The following SRPK1 variants were observed in gnomAD, a reference collection of about 807,000 sequenced individuals.
SRPK1 encodes the protein SRSF protein kinase 1.
Under a neutral mutation model 89.5 loss-of-function variants are expected in SRPK1, and 52 were observed. The observed-to-expected ratio is 0.58, with a 90% CI of 0.46 to 0.73. The LOEUF is 0.73. SRPK1 is among the 30% of genes least tolerant of loss of function. SRPK1 has a pLI of 0.00. For synonymous variants in SRPK1, 255 were observed against 270.2 expected, an observed-to-expected ratio of 0.94 and a Z score of 0.55; for missense variants, 603 against 780.6, an observed-to-expected ratio of 0.77 and a Z score of 2.71.
chr6:35,881,476 T>C (rs1291338739), intron 6 of SRPK1, among the ~76,000 whole-genome samples: 2 of 137,602 alleles, frequency 1.5e-5, no homozygotes, highest in African/African-American at 5.4e-5. Flanking sequence ...TAGATATAGA[T>C]ATAGATCCAA....
intron 15 of SRPK1, among the ~76,000 whole-genome samples, chr6:35,836,826 C>CA (rs1311026313): frequency 6.6e-6 from 1 of 151,586 alleles, no homozygotes; most frequent in African/African-American, 2.4e-5. Flanking sequence ...CTTTTGTGAG[C>CA]AGTGAGTGCC....
In SRPK1 at chr6:35,890,914, A is replaced by G; in HGVS notation, c.174T>C (p.Asp58=). ...ILGSDDDEQE[D]PNDYCKGGYH... ...ACTTACCTTTACAATAATCATTAGG[A>G]TCTTCTTGCTCATCATCATCAGATC... is the stretch of plus-strand genomic sequence containing the variant. Residue 58 remains aspartate (D), a synonymous_variant, in exon 3 of 16, where the codon GAT becomes GAC. Coordinates refer to ENST00000373825, the MANE Select transcript of SRPK1 (RefSeq NM_003137.5). 1 of 1,552,002 alleles carries G rather than the reference A, an allele frequency of 6.4e-7. No homozygotes were observed. The highest frequency in any genetic ancestry group is 8.7e-7 in the Non-Finnish European group (1 of 1,147,134).
chr6:35,850,347 G>C lies in SRPK1; in HGVS notation c.1620+6914C>G, dbSNP rs187603030. Among the ~76,000 whole-genome samples, 563 of 152,204 alleles carry C rather than the reference G, an allele frequency of 3.7e-3. 3 individuals carry two copies. The highest frequency in any genetic ancestry group is 0.013 in the African/African-American group (526 of 41,488). ...TAACATAATTAAGTAACCAGTCCTG[G>C]TGTTTAGTGCTCTGCAAACAACCAA... On this transcript the variant is annotated intron_variant, in intron 13 of 15. Transcript: ENST00000373825.
chr6:35,906,569 T>C (rs1395290833), intron 2 of SRPK1, among the ~76,000 whole-genome samples: 1 of 152,192 alleles, frequency 6.6e-6, no homozygotes, highest in Non-Finnish European at 1.5e-5. Context: ...ATAACATATG[T>C]TATGATTCCA....
In SRPK1 at chr6:35,834,557, A is replaced by G. The variant is rs1769135480; in HGVS notation, c.*747T>C. The G allele has an allele frequency of 6.6e-6, 1 of 152,260 alleles. No homozygotes were observed. Among genetic ancestry groups the G allele is most frequent in the Non-Finnish European group, 1.5e-5 (1 of 68,038 alleles). 9.4% of individuals were successfully genotyped at this position (152,260 alleles called of 1,614,324 possible). Reference sequence around the variant, plus strand: ...AAAATAACTCTGGTCTTAGGGTAATAGAAGACATACAGGAAAGGACTGTTT... The same window carrying G: ...AAAATAACTCTGGTCTTAGGGTAATGGAAGACATACAGGAAAGGACTGTTT... On this transcript the variant is annotated 3_prime_UTR_variant, in exon 16 of 16. Coordinates refer to ENST00000373825, the MANE Select transcript of SRPK1 (RefSeq NM_003137.5).
At position 35,843,536 on chromosome 6, in the gene SRPK1, T is replaced by G. The variant is rs763140821; in HGVS notation, c.1621-932A>C. ...CATGATCTCAGCTCACTGCAACTTCTGCCTCCTGGGTTCAAGTGATTCTCC... is the reference window on the plus strand; with the variant it reads ...CATGATCTCAGCTCACTGCAACTTCGGCCTCCTGGGTTCAAGTGATTCTCC... On this transcript the variant is annotated intron_variant, in intron 13 of 15. Coordinates refer to ENST00000373825, the MANE Select transcript of SRPK1 (RefSeq NM_003137.5). 4.7e-4 allele frequency among the ~76,000 whole-genome samples: 71 copies of G among 151,408 alleles called. 1 individual carries two copies. The highest frequency in any genetic ancestry group is 1.0e-4 in the Non-Finnish European group (7 of 67,798).
intron 5 of SRPK1, 70 bp downstream of exon 5, chr6:35,887,952 GGT>G: frequency 1.8e-6 from 2 of 1,084,174 alleles, no homozygotes; most frequent in Non-Finnish European, 2.5e-6. Context: ...GCCTCCACTT[GGT>G]GTGTTTTTAT....
At chr6:35,891,926 C>A (rs1770526923) in intron 2 of SRPK1, among the ~76,000 whole-genome samples, 1 of 152,022 alleles carries the variant, frequency 6.6e-6, no homozygotes, top group South Asian at 2.1e-4. Context: ...TTAAAACATT[C>A]CTATTTATAA....
At chr6:35,869,164 A>C in intron 11 of SRPK1, 54 bp from the exon 12 acceptor site, 11 of 1,403,658 alleles carry the variant, frequency 7.8e-6, no homozygotes, top group South Asian at 1.2e-5. Context: ...AGAAATACTC[A>C]ATGAGTAATA....
At chr6:35,843,773 G>A (rs796353792) in intron 13 of SRPK1, among the ~76,000 whole-genome samples, 6 of 152,010 alleles carry the variant, frequency 3.9e-5, no homozygotes, top group African/African-American at 1.4e-4. Flanking sequence ...TAGAAAATCA[G>A]AAGATTAAGT....
intron 12 of SRPK1, among the ~76,000 whole-genome samples, chr6:35,859,148 AT>A (rs1367142026): frequency 6.6e-6 from 1 of 152,206 alleles, no homozygotes. Flanking sequence ...CAAAAATTAG[AT>A]TACATTGGGG....
At chr6:35,870,587 A>G (rs1770011873) in intron 9 of SRPK1, 93 bp from the exon 10 acceptor site, 1 of 1,167,888 alleles carries the variant, frequency 8.6e-7, no homozygotes. Flanking sequence ...CTTCCTAATT[A>G]AATTTCACAA....
intron 12 of SRPK1, among the ~76,000 whole-genome samples, chr6:35,865,142 T>C (rs952844624): frequency 6.6e-6 from 1 of 152,132 alleles, no homozygotes; most frequent in African/African-American, 2.4e-5. Context: ...AGGGTGACTA[T>C]AGTGAATAAT....
intron 2 of SRPK1, among the ~76,000 whole-genome samples, chr6:35,893,419 C>T (rs1185697698): frequency 4.6e-5 from 7 of 151,530 alleles, no homozygotes; most frequent in Non-Finnish European, 8.8e-5. Flanking sequence ...TGCAAGGTTG[C>T]GGCTGCAGTG....
chr6:35,880,465 G>A (rs532778135), intron 6 of SRPK1, among the ~76,000 whole-genome samples: 3 of 152,054 alleles, frequency 2.0e-5, no homozygotes, highest in South Asian at 2.1e-4. Context: ...GCTCACGCCT[G>A]TAATCCCAGC....
intron 2 of SRPK1, chr6:35,904,999 T>A (rs761318929): frequency 2.3e-5 from 10 of 438,930 alleles, no homozygotes; most frequent in South Asian, 8.0e-5. Flanking sequence ...AAAAAAAAAA[T>A]TAAAAATTAA....
intron 2 of SRPK1, among the ~76,000 whole-genome samples, chr6:35,913,137 G>A (rs1581601522): frequency 6.6e-6 from 1 of 152,332 alleles, no homozygotes; most frequent in East Asian, 1.9e-4. Context: ...ACTTCAACAA[G>A]TTGCTGGTTT....
At chr6:35,837,137 T>G (rs936235204) in intron 15 of SRPK1, among the ~76,000 whole-genome samples, 11 of 152,204 alleles carry the variant, frequency 7.2e-5, no homozygotes, top group African/African-American at 2.7e-4. Context: ...AAATATATTA[T>G]CAAGTCAAAA....
intron 1 of SRPK1, 26 bp downstream of exon 1, chr6:35,921,018 G>C (rs763577388): frequency 9.7e-6 from 15 of 1,540,412 alleles, no homozygotes; most frequent in South Asian, 4.9e-5. Context: ...ATTGCCCCTC[G>C]TGGCGGAGGC....
Sources: gnomAD v4.1 joint callset for allele counts (sites outside exome capture counted in the v4.1 genomes callset) on GRCh38, gnomAD v4.1.1 for gene constraint, MANE v1.5 for transcripts, NCBI Gene and HGNC (gene_info 2026-07-23, HGNC 2026-07-21) for gene names.